Variants in FRYL observed in about 807,000 individuals in gnomAD.
FRYL encodes FRY like transcription coactivator, also known as protein furry homolog-like.
FRYL carries 150 observed loss-of-function variants against 351.2 expected under a neutral mutation model. The ratio of observed to expected loss-of-function variants is 0.43; its 90% CI spans 0.37 to 0.49. The LOEUF is 0.49. Ranked by LOEUF, FRYL falls within the 20% of genes least tolerant of loss-of-function variation. FRYL has a pLI of 0.00. For synonymous variants in FRYL, 1,153 were observed against 1,257.1 expected, an observed-to-expected ratio of 0.92 and a Z score of 1.75; for missense variants, 3,036 against 3,619.3, an observed-to-expected ratio of 0.84 and a Z score of 4.13.
At chr4:48,753,764 C>T (rs1329362394) in intron 1 of FRYL, among the ~76,000 whole-genome samples, 2 of 152,022 alleles carry the variant, frequency 1.3e-5, no homozygotes, top group Admixed American at 6.6e-5. Flanking sequence ...ATAATTTTAA[C>T]TTTCTCATTT....
chr4:48,651,234 G>C (rs1757592309), intron 3 of FRYL, among the ~76,000 whole-genome samples: 2 of 147,718 alleles, frequency 1.4e-5, no homozygotes, highest in African/African-American at 5.1e-5. Context: ...GTGTGTGTGT[G>C]TGTGTGTGTG....
chr4:48,557,570 A>ATCATCT lies in FRYL; in HGVS notation c.4002_4007dup (p.Glu1334_Asp1335dup). 1.2e-6 allele frequency: 2 copies of ATCATCT among 1,614,160 alleles called. No homozygotes were observed. Among genetic ancestry groups the ATCATCT allele is most frequent in the Non-Finnish European group, 1.7e-6 (2 of 1,180,016 alleles). ...CCATAAGTTCTCGGTCTTTTAAGGA[A>ATCATCT]TCATCTTCATCTTCATCATGTCGCC... is the stretch of plus-strand genomic sequence containing the variant. On this transcript the variant is annotated inframe_insertion, in exon 34 of 64. Coordinates refer to ENST00000358350, the MANE Select transcript of FRYL (RefSeq NM_015030.2).
rs1730757783 is a variant in FRYL at position 48,543,859 on chromosome 4, T to C, written c.5540A>G (p.Asp1847Gly). The C allele has an allele frequency of 1.2e-6, 2 of 1,613,810 alleles. No individual in the cohort carries two copies. Among genetic ancestry groups the C allele is most frequent in the Admixed American group, 1.7e-5 (1 of 59,998 alleles). Residue 1847 changes from aspartate to glycine, a missense_variant, in exon 44 of 64, where the codon GAT becomes GGT. Asp to Gly is a moderately conservative substitution (Grantham distance 94). This residue lies in a region of FRYL where 1,987 missense variants were observed against 2,311.7 expected (regional missense o/e 0.86). Transcript: ENST00000358350. Reference protein sequence around the residue: ...KQPLTATTLSDVLSRLVETVG... With the variant: ...KQPLTATTLSGVLSRLVETVG... ...AGTTTCTACAAGTCTGGAGAGAACA[T>C]CAGAAAGTGTAGTTGCAGTGAGAGG...
In FRYL at chr4:48,515,056, C is replaced by T; in HGVS notation, c.7909G>A (p.Glu2637Lys). 3 of 1,613,806 alleles carry T rather than the reference C, an allele frequency of 1.9e-6. No homozygotes were observed. Among genetic ancestry groups the T allele is most frequent in the Middle Eastern group, 1.7e-4 (1 of 6,060 alleles). The change falls in exon 56 of 64, where the codon GAA (glutamate) becomes AAA (lysine). Residue 2637 changes from glutamate (E) to lysine (K), a missense_variant. Physicochemically the swap from Glu to Lys is moderately conservative, Grantham distance 56. This residue lies in a region of FRYL where 1,987 missense variants were observed against 2,311.7 expected (regional missense o/e 0.86). Transcript: ENST00000358350. ...GACAGTCCGGAGAAATCCGCTTCTTCTTCTTCACATCTTTCATCTAGCTCT... is the reference window on the plus strand; with the variant it reads ...GACAGTCCGGAGAAATCCGCTTCTTTTTCTTCACATCTTTCATCTAGCTCT... ...LKELDERCEE[E>K]EADFSGLSSQ...
At chr4:48,701,128 G>A (rs1287014133) in intron 2 of FRYL, among the ~76,000 whole-genome samples, 1 of 152,028 alleles carries the variant, frequency 6.6e-6, no homozygotes, top group Admixed American at 6.6e-5. Context: ...TTTTAAATGG[G>A]TTTAAAAGGT....
intron 55 of FRYL, among the ~76,000 whole-genome samples, chr4:48,518,387 C>T (rs757591460): frequency 2.4e-4 from 36 of 152,210 alleles, no homozygotes; most frequent in Admixed American, 9.2e-4. Context: ...CTCCTCCAAT[C>T]TACCCTCAAA....
At chr4:48,639,754 A>C (rs1470136203) in intron 3 of FRYL, among the ~76,000 whole-genome samples, 2 of 152,138 alleles carry the variant, frequency 1.3e-5, no homozygotes, top group Non-Finnish European at 2.9e-5. Context: ...AAATTGCAAA[A>C]TACATACTTG....
chr4:48,593,340 T>C (rs1276588048), intron 16 of FRYL, among the ~76,000 whole-genome samples: 1 of 58,934 alleles, frequency 1.7e-5, no homozygotes, highest in Non-Finnish European at 3.4e-5. Flanking sequence ...TGATAAAATT[T>C]TCCTTTCTTT....
chr4:48,582,351 G>A (rs1741129140), intron 20 of FRYL, 146 bp downstream of exon 20: 1 of 617,322 alleles, frequency 1.6e-6, no homozygotes, highest in East Asian at 2.7e-5. Flanking sequence ...CTATGGGAAA[G>A]TTCAGTTTAA....
At position 48,525,065 on chromosome 4, in the gene FRYL, A is replaced by G. The variant is rs1259615799; in HGVS notation, c.7318-1961T>C. Among the ~76,000 whole-genome samples the G allele has an allele frequency of 4.5e-5, 6 of 132,790 alleles. No individual in the cohort carries two copies. In the South Asian group the frequency reaches 7.0e-4, roughly 15 times the overall value. 87.1% of individuals were successfully genotyped at this position (132,790 alleles called of 152,430 possible). On this transcript the variant is annotated intron_variant, in intron 53 of 63. Coordinates refer to ENST00000358350, the MANE Select transcript of FRYL (RefSeq NM_015030.2). ...TTAGGGTGGTAACCTACACTTTTTG[A>G]AAAAAAAAAAAAAAGAATGAAAAGG...
At chr4:48,727,688 C>T (rs780325212) in intron 1 of FRYL, among the ~76,000 whole-genome samples, 8 of 152,150 alleles carry the variant, frequency 5.3e-5, no homozygotes, top group Non-Finnish European at 1.0e-4. Flanking sequence ...TTGAAATGCA[C>T]CACAACATTC....
At chr4:48,715,969 C>G (rs1205517867) in intron 1 of FRYL, among the ~76,000 whole-genome samples, 1 of 151,750 alleles carries the variant, frequency 6.6e-6, no homozygotes, top group Non-Finnish European at 1.5e-5. Flanking sequence ...GAAATAATGC[C>G]GCATATCTAC....
intron 35 of FRYL, among the ~76,000 whole-genome samples, chr4:48,554,342 CTT>C (rs1035961712): frequency 1.4e-5 from 2 of 145,132 alleles, no homozygotes; most frequent in Non-Finnish European, 1.5e-5. Context: ...CAACCAAATT[CTT>C]TTTTTTTTTT....
intron 2 of FRYL, among the ~76,000 whole-genome samples, chr4:48,702,707 G>T (rs1440746922): frequency 1.2e-4 from 17 of 139,430 alleles, no homozygotes; most frequent in Non-Finnish European, 2.1e-4. Context: ...CTTACAGTGA[G>T]AGGAGATCGG....
At position 48,531,038 on chromosome 4, in the gene FRYL, T is replaced by A. The variant is rs1727469554; in HGVS notation, c.6903+118A>T. ...TCCCCACTTGGTTGTTCATAACAGCTATCATATTGTCTAACACTGGGTATG... is the reference window on the plus strand; with the variant it reads ...TCCCCACTTGGTTGTTCATAACAGCAATCATATTGTCTAACACTGGGTATG... On this transcript the variant is annotated intron_variant, in intron 50 of 63. Coordinates refer to ENST00000358350, the MANE Select transcript of FRYL (RefSeq NM_015030.2). 4.3e-6 allele frequency: 3 copies of A among 699,424 alleles called. No individual in the cohort carries two copies. The African/African-American group carries it at 5.4e-5, about 13-fold the overall frequency. The allele number at this position is 699,424 out of a possible 1,614,324, so 43.3% of individuals were successfully genotyped here.
intron 4 of FRYL, among the ~76,000 whole-genome samples, chr4:48,623,996 G>A (rs569276256): frequency 1.1e-4 from 16 of 152,290 alleles, no homozygotes; most frequent in African/African-American, 3.1e-4. Context: ...GTTGGGGCCT[G>A]AGGATGGAAA....
chr4:48,737,276 A>G lies in FRYL; in HGVS notation c.-383-26578T>C, dbSNP rs1002266928. Among the ~76,000 whole-genome samples, 113 of 151,662 alleles carry G rather than the reference A, an allele frequency of 7.5e-4. 1 individual carries two copies. Among genetic ancestry groups the G allele is most frequent in the African/African-American group, 2.4e-3 (99 of 41,452 alleles). ...CCATCACAGAAAAAAAAAAAAAAAA[A>G]AGAGAGAGAAAGAGGGGACAACCAA... On this transcript the variant is annotated intron_variant, in intron 1 of 63. Coordinates refer to ENST00000358350, the MANE Select transcript of FRYL (RefSeq NM_015030.2).
chr4:48,609,865 GT>G, intron 7 of FRYL, 42 bp from the exon 8 acceptor site: 1 of 1,065,552 alleles, frequency 9.4e-7, no homozygotes, highest in African/African-American at 1.6e-5. Flanking sequence ...TAAATTATTG[GT>G]TTTTTATGAG....
chr4:48,657,983 GA>G (rs1234499634), intron 3 of FRYL, among the ~76,000 whole-genome samples: 1 of 152,122 alleles, frequency 6.6e-6, no homozygotes, highest in Non-Finnish European at 1.5e-5. Flanking sequence ...AGGATTCATG[GA>G]AGTAGCTACT....
Sources: gnomAD v4.1 joint callset for allele counts (sites outside exome capture counted in the v4.1 genomes callset) on GRCh38, gnomAD v4.1.1 for gene constraint, gnomAD v4.1.1 regional missense constraint, MANE v1.5 for transcripts, NCBI Gene and HGNC (gene_info 2026-07-23, HGNC 2026-07-21) for gene names.